ARHGEF4: variants seen among roughly 807,000 people sequenced by gnomAD.
The protein encoded by ARHGEF4 is APC-stimulated guanine nucleotide exchange factor 1.
A neutral mutation model predicts 162.0 loss-of-function variants in ARHGEF4; 119 were observed. That is an observed-to-expected ratio of 0.73 (90% CI 0.63 to 0.86). The LOEUF (loss-of-function observed/expected upper bound fraction) is 0.86, where lower values mean the gene tolerates loss of function less well. Ranked by LOEUF, ARHGEF4 falls within the 40% of genes least tolerant of loss-of-function variation. The pLI is 0.00. For missense variants in ARHGEF4, 2,488 were observed against 2,456.0 expected (o/e 1.01, Z -0.28); for synonymous variants, 1,014 against 979.9 (o/e 1.03, Z -0.65).
At chr2:130,850,863 T>C (rs1681362548) in intron 1 of ARHGEF4, among the ~76,000 whole-genome samples, 1 of 152,264 alleles carries the variant, frequency 6.6e-6, no homozygotes, top group Non-Finnish European at 1.5e-5. Context: ...CTGAGGCTGC[T>C]GGGCCTCTGT....
intron 13 of ARHGEF4, 159 bp from the exon 14 acceptor site, chr2:131,045,879 G>T (rs1573721292): frequency 1.3e-6 from 2 of 1,487,334 alleles, no homozygotes; most frequent in East Asian, 4.6e-5. Context: ...TGAGCTCTTG[G>T]ATGTGGTCAG....
intron 4 of ARHGEF4, 80 bp from the exon 5 acceptor site, chr2:131,027,865 C>G: frequency 6.4e-7 from 1 of 1,552,962 alleles, no homozygotes; most frequent in Admixed American, 1.7e-5. Context: ...CCTGAACCCA[C>G]TGGGCTCCTT....
At chr2:130,883,779 C>G (rs919880469) in intron 1 of ARHGEF4, among the ~76,000 whole-genome samples, 2 of 152,110 alleles carry the variant, frequency 1.3e-5, no homozygotes, top group Non-Finnish European at 2.9e-5. Flanking sequence ...CCTTAGGAAA[C>G]CAGTGTCCTG....
In ARHGEF4 at chr2:130,881,322, A is replaced by G. The variant is rs150060199; in HGVS notation, c.40-32664A>G. On this transcript the variant is annotated intron_variant, in intron 1 of 13. Coordinates refer to ENST00000409359, the MANE Select transcript of ARHGEF4 (RefSeq NM_001367493.1). ...AGCCACCGCGCCCTGCAAATGAGAC[A>G]TTATTTGTAAAGCACTCAACGCAGA... Among the ~76,000 whole-genome samples, 3 of 152,348 alleles carry G rather than the reference A, an allele frequency of 2.0e-5. No homozygotes were observed. The East Asian group carries it at 5.8e-4, about 29-fold the overall frequency.
intron 3 of ARHGEF4, among the ~76,000 whole-genome samples, chr2:130,944,842 AATGTT>A (rs372386945): frequency 8.0e-4 from 121 of 152,168 alleles, no homozygotes; most frequent in African/African-American, 2.7e-3. Flanking sequence ...GGGCATCTTA[AATGTT>A]ATGTTATGAG....
At position 130,899,676 on chromosome 2, in the gene ARHGEF4, C is replaced by T. The variant is rs115513639; in HGVS notation, c.40-14310C>T. Among the ~76,000 whole-genome samples, 835 of 152,216 alleles carry T rather than the reference C, an allele frequency of 5.5e-3. 7 individuals carry two copies. The highest frequency in any genetic ancestry group is 0.019 in the African/African-American group (803 of 41,516). ...GCTCTGGGGATGGAGAGGACTGTGG[C>T]TAGAGGAGGCTGGCACACTGCTTAG... On this transcript the variant is annotated intron_variant, in intron 1 of 13. Transcript: ENST00000409359.
intron 2 of ARHGEF4, among the ~76,000 whole-genome samples, chr2:130,927,342 T>A (rs1480999194): frequency 6.6e-6 from 1 of 152,136 alleles, no homozygotes; most frequent in Non-Finnish European, 1.5e-5. Flanking sequence ...TCACACATTG[T>A]CTTCACAGAC....
chr2:131,013,624 G>A (rs1054728736), intron 4 of ARHGEF4, among the ~76,000 whole-genome samples: 2 of 152,034 alleles, frequency 1.3e-5, no homozygotes, highest in Non-Finnish European at 1.5e-5. Context: ...ATTTTGAGAC[G>A]GAGTCTTGCT....
At chr2:131,040,508 G>A (rs573997851) in intron 8 of ARHGEF4, 68 bp downstream of exon 8, 13 of 1,466,190 alleles carry the variant, frequency 8.9e-6, no homozygotes, top group Non-Finnish European at 1.2e-5. Flanking sequence ...GCGCCAGCGC[G>A]GACAGCGGGT....
intron 4 of ARHGEF4, among the ~76,000 whole-genome samples, chr2:131,011,113 T>C (rs918137735): frequency 3.9e-5 from 6 of 152,206 alleles, no homozygotes; most frequent in Non-Finnish European, 5.9e-5. Flanking sequence ...TTCTCTTATG[T>C]GAAGTGAAGT....
intron 3 of ARHGEF4, among the ~76,000 whole-genome samples, chr2:130,943,923 G>A (rs1408991202): frequency 1.3e-5 from 2 of 152,046 alleles, no homozygotes; most frequent in Non-Finnish European, 2.9e-5. Context: ...GTTTCCCTCT[G>A]GTATCATTTT....
At chr2:130,884,357 G>A (rs1473506020) in intron 1 of ARHGEF4, among the ~76,000 whole-genome samples, 1 of 152,014 alleles carries the variant, frequency 6.6e-6, no homozygotes, top group Non-Finnish European at 1.5e-5. Flanking sequence ...TACAGACCCT[G>A]GAAGCAGATT....
chr2:130,949,244 T>C (rs1401909388), intron 4 of ARHGEF4, among the ~76,000 whole-genome samples: 4 of 152,246 alleles, frequency 2.6e-5, no homozygotes, highest in African/African-American at 9.6e-5. Context: ...AAAATTGGGA[T>C]TTTTGTAAAA....
At chr2:130,964,297 T>G (rs1292221961) in intron 4 of ARHGEF4, 8 of 979,760 alleles carry the variant, frequency 8.2e-6, no homozygotes, top group Non-Finnish European at 8.5e-6. Context: ...CGCGCCCGGG[T>G]CTGTGCTCTT....
rs562100330 is a variant in ARHGEF4 at position 130,869,393 on chromosome 2, C to T, written c.39+32401C>T. Among the ~76,000 whole-genome samples the T allele has an allele frequency of 4.6e-5, 7 of 152,240 alleles. No homozygotes were observed. In the South Asian group the frequency reaches 8.3e-4, roughly 18 times the overall value. ...TGAGGGAGGAAGTCTCGCAGGGCTC[C>T]GGGTCTCTGCCTTCATCAGCTGGGT... On this transcript the variant is annotated intron_variant, in intron 1 of 13. Coordinates refer to ENST00000409359, the MANE Select transcript of ARHGEF4 (RefSeq NM_001367493.1).
intron 4 of ARHGEF4, among the ~76,000 whole-genome samples, chr2:131,024,020 A>G (rs1315413534): frequency 2.6e-5 from 4 of 152,160 alleles, no homozygotes; most frequent in East Asian, 1.9e-4. Flanking sequence ...GAAAAAGCCA[A>G]CCTCAAAAGC....
chr2:131,020,762 G>A (rs1218265395), intron 4 of ARHGEF4, among the ~76,000 whole-genome samples: 10 of 152,094 alleles, frequency 6.6e-5, no homozygotes, highest in African/African-American at 1.4e-4. Flanking sequence ...CTGAGGAATC[G>A]CCACACTGAC....
chr2:131,041,675 G>T, intron 9 of ARHGEF4, 140 bp from the exon 10 acceptor site: 3 of 1,259,286 alleles, frequency 2.4e-6, no homozygotes, highest in Non-Finnish European at 3.3e-6. Flanking sequence ...AGAAGAGAGG[G>T]GCTGTGCATC....
chr2:131,003,098 GAACAGCGTTAGT>G (rs1295297943), intron 4 of ARHGEF4, among the ~76,000 whole-genome samples: 2 of 152,200 alleles, frequency 1.3e-5, no homozygotes, highest in Non-Finnish European at 2.9e-5. Flanking sequence ...CCTCTGGTAT[GAACAGCGTTAGT>G]AACAGTGACC....
Sources: gnomAD v4.1 joint callset for allele counts (sites outside exome capture counted in the v4.1 genomes callset) on GRCh38, gnomAD v4.1.1 for gene constraint, MANE v1.5 for transcripts, NCBI Gene and HGNC (gene_info 2026-07-23, HGNC 2026-07-21) for gene names.